Variants in WDFY2 observed in about 807,000 individuals in gnomAD.
WDFY2 encodes the protein WD repeat and FYVE domain-containing protein 2.
A neutral mutation model predicts 56.4 loss-of-function variants in WDFY2; 36 were observed. The observed-to-expected ratio is 0.64, with a 90% CI of 0.49 to 0.84. The LOEUF (loss-of-function observed/expected upper bound fraction) is 0.84. Among genes scored for constraint, WDFY2 ranks in the 40% least tolerant of loss-of-function variants. WDFY2 has a pLI of 0.00. For synonymous variants in WDFY2, 176 were observed against 183.7 expected (o/e 0.96, Z 0.34); for missense variants, 444 against 512.2 (o/e 0.87, Z 1.29).
rs149507548 is a variant in WDFY2 at position 51,648,929 on chromosome 13, T to G, written c.138-11667T>G. Reference sequence around the variant, plus strand: ...TGGGAGGCCAAGGCAGGTGGATCGCTTGAGGTCAGAGGTTCAAGACCAGCC... The same window carrying G: ...TGGGAGGCCAAGGCAGGTGGATCGCGTGAGGTCAGAGGTTCAAGACCAGCC... On this transcript the variant is annotated intron_variant, in intron 1 of 11. Transcript: ENST00000298125. Among the ~76,000 whole-genome samples, 849 of 152,202 alleles carry G rather than the reference T, an allele frequency of 5.6e-3. 6 individuals are homozygous for G. Among genetic ancestry groups the G allele is most frequent in the African/African-American group, 0.019 (795 of 41,532 alleles).
chr13:51,653,268 G>A (rs1216475453), intron 1 of WDFY2, among the ~76,000 whole-genome samples: 1 of 152,116 alleles, frequency 6.6e-6, no homozygotes, highest in Non-Finnish European at 1.5e-5. Flanking sequence ...GGTCCTTTAA[G>A]GACTACTCTG....
intron 2 of WDFY2, 51 bp from the exon 3 acceptor site, chr13:51,675,119 C>A: frequency 1.3e-6 from 2 of 1,563,274 alleles, no homozygotes; most frequent in South Asian, 1.1e-5. Context: ...ACTCCTGAGT[C>A]GATGAGAATC....
intron 1 of WDFY2, among the ~76,000 whole-genome samples, chr13:51,647,321 A>G (rs759911849): frequency 6.6e-6 from 1 of 152,246 alleles, no homozygotes; most frequent in Admixed American, 6.5e-5. Context: ...CCTAGGCTGT[A>G]TGATATATAT....
chr13:51,741,689 C>T (rs2138694237), intron 7 of WDFY2, among the ~76,000 whole-genome samples: 1 of 152,320 alleles, frequency 6.6e-6, no homozygotes, highest in African/African-American at 2.4e-5. Flanking sequence ...TTTCAAAACA[C>T]ACAGACTCCG....
chr13:51,738,302 A>G (rs919627871), intron 6 of WDFY2, among the ~76,000 whole-genome samples: 3 of 152,250 alleles, frequency 2.0e-5, no homozygotes, highest in African/African-American at 4.8e-5. Flanking sequence ...TAGAAAATCT[A>G]TTATAATATT....
intron 4 of WDFY2, among the ~76,000 whole-genome samples, chr13:51,716,971 A>T (rs1002851315): frequency 1.3e-5 from 2 of 152,174 alleles, no homozygotes; most frequent in African/African-American, 4.8e-5. Flanking sequence ...GCATTTGGTA[A>T]AATCCAGTTC....
intron 6 of WDFY2, among the ~76,000 whole-genome samples, chr13:51,733,100 A>C (rs1447396883): frequency 6.6e-6 from 1 of 152,158 alleles, no homozygotes; most frequent in Non-Finnish European, 1.5e-5. Flanking sequence ...TAGTGGCACG[A>C]TCTCAGCTCA....
At chr13:51,611,238 A>G (rs1456465696) in intron 1 of WDFY2, among the ~76,000 whole-genome samples, 1 of 152,232 alleles carries the variant, frequency 6.6e-6, no homozygotes, top group African/African-American at 2.4e-5. Flanking sequence ...GTAAAATGGA[A>G]GTATGTATTG....
In WDFY2 at chr13:51,584,533, CGA is replaced by C. The variant is rs1953895458; in HGVS notation, c.-149_-148del. 1 of 1,095,260 alleles carries C rather than the reference CGA, an allele frequency of 9.1e-7. No individual in the cohort carries two copies. The highest frequency in any genetic ancestry group is 1.6e-5 in the African/African-American group (1 of 62,126). The allele number at this position is 1,095,260 out of a possible 1,614,324, so 67.8% of individuals were successfully genotyped here. Reference sequence around the variant, plus strand: ...GAAGCAGGGAGCGCGGAGTCGTTCCCGAGAGAGGCGGCCAGGCTATGCTCGCC... The same window carrying C: ...GAAGCAGGGAGCGCGGAGTCGTTCCCGAGAGGCGGCCAGGCTATGCTCGCC... On this transcript the variant is annotated 5_prime_UTR_variant, in exon 1 of 12. Coordinates refer to ENST00000298125, the MANE Select transcript of WDFY2 (RefSeq NM_052950.4).
chr13:51,636,288 T>C (rs1417816411), intron 1 of WDFY2, among the ~76,000 whole-genome samples: 1 of 152,206 alleles, frequency 6.6e-6, no homozygotes, highest in Non-Finnish European at 1.5e-5. Flanking sequence ...CGCTTCAGAC[T>C]AAAAAATTCC....
In WDFY2 at chr13:51,590,936, G is replaced by T. The variant is rs9591412; in HGVS notation, c.137+6112G>T. 317 of 152,184 alleles carry T rather than the reference G, an allele frequency of 2.1e-3. 2 individuals carry two copies. Among genetic ancestry groups the T allele is most frequent in the African/African-American group, 7.0e-3 (289 of 41,520 alleles). 9.4% of individuals were successfully genotyped at this position (152,184 alleles called of 1,614,324 possible). ...TAACCAGTAAGACCAAAAAAGAAAA[G>T]GTCATCTCCTTGTCTCTTGGCAGGG... On this transcript the variant is annotated intron_variant, in intron 1 of 11. Coordinates refer to ENST00000298125, the MANE Select transcript of WDFY2 (RefSeq NM_052950.4).
rs528531199 is a variant in WDFY2 at position 51,641,984 on chromosome 13, T to C, written c.138-18612T>C. On this transcript the variant is annotated intron_variant, in intron 1 of 11. Coordinates refer to ENST00000298125, the MANE Select transcript of WDFY2 (RefSeq NM_052950.4). ...GATCTTGAGCTAATTTCCTTGTCAT[T>C]AGTTGTCTTCATTTTAGGATTGGCA... 1.9e-3 allele frequency among the ~76,000 whole-genome samples: 285 copies of C among 152,288 alleles called. 1 individual carries two copies. Among genetic ancestry groups the C allele is most frequent in the African/African-American group, 6.4e-3 (268 of 41,574 alleles).
At chr13:51,653,913 AC>A (rs1208447092) in intron 1 of WDFY2, among the ~76,000 whole-genome samples, 1 of 152,154 alleles carries the variant, frequency 6.6e-6, no homozygotes, top group Admixed American at 6.5e-5. Flanking sequence ...TGCTGGGAGA[AC>A]CACTACTCTC....
At chr13:51,605,405 G>A (rs1328475550) in intron 1 of WDFY2, among the ~76,000 whole-genome samples, 1 of 152,176 alleles carries the variant, frequency 6.6e-6, no homozygotes, top group Non-Finnish European at 1.5e-5. Context: ...AGGATTAAGG[G>A]ATATAATTCA....
intron 10 of WDFY2, 60 bp downstream of exon 10, chr13:51,756,522 G>A: frequency 6.4e-7 from 1 of 1,553,022 alleles, no homozygotes; most frequent in Non-Finnish European, 8.7e-7. Context: ...TCTGAGCCTT[G>A]CACTCAGCGC....
chr13:51,676,251 G>A (rs1004629474), intron 3 of WDFY2, among the ~76,000 whole-genome samples: 4 of 152,184 alleles, frequency 2.6e-5, no homozygotes, highest in Non-Finnish European at 4.4e-5. Context: ...CTGAGAGGTG[G>A]CAAAGAGGTA....
intron 3 of WDFY2, among the ~76,000 whole-genome samples, chr13:51,695,757 CTTTT>C (rs1033240054): frequency 1.3e-5 from 2 of 152,210 alleles, no homozygotes; most frequent in Non-Finnish European, 2.9e-5. Context: ...TTACTGCTGT[CTTTT>C]TGTTTGTCTG....
At chr13:51,635,943 G>A (rs1199522910) in intron 1 of WDFY2, among the ~76,000 whole-genome samples, 1 of 152,140 alleles carries the variant, frequency 6.6e-6, no homozygotes, top group Non-Finnish European at 1.5e-5. Flanking sequence ...TATCTGGGCA[G>A]TACCAAAGTG....
intron 4 of WDFY2, among the ~76,000 whole-genome samples, chr13:51,716,711 A>C (rs1050739114): frequency 2.0e-5 from 3 of 150,214 alleles, no homozygotes; most frequent in Non-Finnish European, 3.0e-5. Context: ...AAAAAAAAAA[A>C]ATCAACAAGT....
Sources: gnomAD v4.1 joint callset for allele counts (sites outside exome capture counted in the v4.1 genomes callset) on GRCh38, gnomAD v4.1.1 for gene constraint, MANE v1.5 for transcripts, NCBI Gene and HGNC (gene_info 2026-07-23, HGNC 2026-07-21) for gene names.